OLFM4: variants seen among roughly 807,000 people sequenced by gnomAD.
OLFM4 encodes olfactomedin-4.
OLFM4 carries 22 observed loss-of-function variants against 25.5 expected under a neutral mutation model. That is an observed-to-expected ratio of 0.86 (90% CI 0.62 to 1.23). OLFM4 has a LOEUF of 1.23. Among genes scored for constraint, OLFM4 ranks in the 50% most tolerant of loss-of-function variants. The pLI, the probability that OLFM4 is intolerant of heterozygous loss-of-function variation, is 0.00. For missense variants in OLFM4, 594 were observed against 619.4 expected, an observed-to-expected ratio of 0.96 and a Z score of 0.44; for synonymous variants, 255 against 237.7, an observed-to-expected ratio of 1.07 and a Z score of -0.67.
chr13:53,029,086 A>G lies in OLFM4; in HGVS notation c.204+46A>G, dbSNP rs551599874. ...GAATGAGCTGCATTCATTCCCTTCC[A>G]TTTGCTTTTGGGTACCTGAATACAA... On this transcript the variant is annotated intron_variant, in intron 1 of 4. Transcript: ENST00000219022. The G allele has an allele frequency of 5.6e-6, 9 of 1,606,258 alleles. No individual in the cohort carries two copies. In the East Asian group the frequency reaches 1.6e-4, roughly 28 times the overall value.
intron 2 of OLFM4, among the ~76,000 whole-genome samples, chr13:53,039,119 A>G (rs1954674526): frequency 6.6e-6 from 1 of 152,214 alleles, no homozygotes; most frequent in Non-Finnish European, 1.5e-5. Context: ...TTTATTTAGC[A>G]GAGATGACAG....
Position 53,028,917 on chromosome 13 carries a change from T to A in OLFM4, c.81T>A (p.Pro27=). Residue 27 remains proline (P), a synonymous_variant, in exon 1 of 5, where the codon CCT becomes CCA. Transcript: ENST00000219022. ...QAAGDLGDVG[P]PIPSPGFSSF... ...CAGGGGATTTGGGGGATGTGGGACC[T>A]CCAATTCCCAGCCCCGGCTTCAGCT... 1 of 1,614,210 alleles carries A rather than the reference T, an allele frequency of 6.2e-7. No homozygotes were observed. Among genetic ancestry groups the A allele is most frequent in the African/African-American group, 1.3e-5 (1 of 75,042 alleles).
At chr13:53,043,529 T>C (rs1023094737) in intron 4 of OLFM4, among the ~76,000 whole-genome samples, 2 of 152,126 alleles carry the variant, frequency 1.3e-5, no homozygotes, top group African/African-American at 2.4e-5. Context: ...ACACGTATTC[T>C]CTTTGCATTT....
At chr13:53,038,607 A>C (rs1296855614) in intron 2 of OLFM4, among the ~76,000 whole-genome samples, 2 of 152,242 alleles carry the variant, frequency 1.3e-5, no homozygotes, top group Non-Finnish European at 2.9e-5. Context: ...TCATATATGC[A>C]GTCTGTCATA....
Position 53,050,850 on chromosome 13 carries a change from G to A in OLFM4, c.*79G>A, listed in dbSNP as rs57965203. ...TCCACTTACTTAGATATCTGCAGGG[G>A]TGTCTAAAAGTGTGTTCATTTTGCA... On this transcript the variant is annotated 3_prime_UTR_variant, in exon 5 of 5. Coordinates refer to ENST00000219022, the MANE Select transcript of OLFM4 (RefSeq NM_006418.5). 5,865 of 1,196,322 alleles carry A rather than the reference G, an allele frequency of 4.9e-3. 181 individuals carry two copies. In the African/African-American group the frequency reaches 0.077, roughly 16 times the overall value. 74.1% of individuals were successfully genotyped at this position (1,196,322 alleles called of 1,614,324 possible).
intron 1 of OLFM4, among the ~76,000 whole-genome samples, chr13:53,034,056 C>CAAAA (rs397851637): frequency 9.0e-4 from 37 of 40,982 alleles, no homozygotes; most frequent in African/African-American, 2.0e-3. Flanking sequence ...GACTCCGTCT[C>CAAAA]AAAAAAAAAA....
At chr13:53,039,696 T>C (rs1010777100) in intron 2 of OLFM4, among the ~76,000 whole-genome samples, 2 of 152,166 alleles carry the variant, frequency 1.3e-5, no homozygotes, top group Non-Finnish European at 2.9e-5. Context: ...CTGAAACCAA[T>C]CCACCATGGA....
chr13:53,051,720 C>G lies in OLFM4; in HGVS notation c.*949C>G, dbSNP rs2138245283. On this transcript the variant is annotated 3_prime_UTR_variant, in exon 5 of 5. Coordinates refer to ENST00000219022, the MANE Select transcript of OLFM4 (RefSeq NM_006418.5). The stretch of plus-strand genomic sequence containing the variant: ...ACAAAGTGCTAGCATTTATTGTTAT[C>G]TAATAAAGACCTTGGAGCATATGTG... 1 of 152,272 alleles carries G rather than the reference C, an allele frequency of 6.6e-6. No individual in the cohort carries two copies. Among genetic ancestry groups the G allele is most frequent in the Non-Finnish European group, 1.5e-5 (1 of 68,018 alleles). The allele number at this position is 152,272 out of a possible 1,614,324, so 9.4% of individuals were successfully genotyped here.
chr13:53,033,998 A>C (rs1364765755), intron 1 of OLFM4, among the ~76,000 whole-genome samples: 1 of 144,524 alleles, frequency 6.9e-6, no homozygotes, highest in Non-Finnish European at 1.5e-5. Flanking sequence ...CGGAGCTTGC[A>C]GTGAGCCGAG....
intron 1 of OLFM4, among the ~76,000 whole-genome samples, chr13:53,029,634 T>A (rs1954618311): frequency 6.6e-6 from 1 of 151,914 alleles, no homozygotes; most frequent in South Asian, 2.1e-4. Context: ...AAGGGGGGAG[T>A]TACTGGTCTT....
chr13:53,050,438 C>A lies in OLFM4; in HGVS notation c.1200C>A (p.Ala400=), dbSNP rs765206065. 6.2e-7 allele frequency: 1 copy of A among 1,613,900 alleles called. No individual in the cohort carries two copies. Among genetic ancestry groups the A allele is most frequent in the African/African-American group, 1.3e-5 (1 of 74,884 alleles). Residue 400 remains alanine (A), a synonymous_variant, in exon 5 of 5, where the codon GCC becomes GCA. Transcript: ENST00000219022. ...TGTGGGTTATTTATTCAACTGAAGC[C>A]AGCACTGGTAACATGGTGATTAGTA... The part of the protein sequence containing the change: ...NGLWVIYSTE[A]STGNMVISKL...
At chr13:53,029,734 A>G (rs989374656) in intron 1 of OLFM4, among the ~76,000 whole-genome samples, 29 of 152,204 alleles carry the variant, frequency 1.9e-4, no homozygotes, top group African/African-American at 6.5e-4. Context: ...GACCATTTCC[A>G]GCTCCAAACA....
chr13:53,043,357 G>T, intron 4 of OLFM4, 93 bp downstream of exon 4: 67 of 704,736 alleles, frequency 9.5e-5, no homozygotes, highest in Non-Finnish European at 1.1e-4. Context: ...AATGGTGAAA[G>T]AAGAAGGTGG....
intron 2 of OLFM4, among the ~76,000 whole-genome samples, chr13:53,039,362 G>A (rs1954675726): frequency 6.6e-6 from 1 of 152,184 alleles, no homozygotes; most frequent in Non-Finnish European, 1.5e-5. Flanking sequence ...TATATCTGCA[G>A]TGCACTTCTC....
Position 53,028,845 on chromosome 13 carries a change from C to T in OLFM4, c.9C>T (p.Pro3=), listed in dbSNP as rs138499950. ...CCAGCTAAGAGGACAAGATGAGGCC[C>T]GGCCTCTCATTTCTCCTAGCCCTTC... MR[P]GLSFLLALLF... is the part of the protein sequence containing the mutation. Residue 3 remains proline (P), a synonymous_variant, in exon 1 of 5, where the codon CCC becomes CCT. Coordinates refer to ENST00000219022, the MANE Select transcript of OLFM4 (RefSeq NM_006418.5). 251 of 1,614,176 alleles carry T rather than the reference C, an allele frequency of 1.6e-4. 1 individual carries two copies. The Middle Eastern group carries it at 4.3e-3, about 28-fold the overall frequency.
chr13:53,040,655 G>T (rs1385789856), intron 2 of OLFM4, among the ~76,000 whole-genome samples: 2 of 152,174 alleles, frequency 1.3e-5, no homozygotes, highest in Admixed American at 6.5e-5. Flanking sequence ...GATGCAACTG[G>T]CATGAAGAAG....
chr13:53,042,954 C>A, intron 3 of OLFM4, 151 bp from the exon 4 acceptor site: 1 of 589,854 alleles, frequency 1.7e-6, no homozygotes, highest in African/African-American at 1.9e-5. Context: ...CATGCTAAAC[C>A]ATAAAATGTA....
chr13:53,040,710 A>G (rs1462286394), intron 2 of OLFM4, among the ~76,000 whole-genome samples: 1 of 152,216 alleles, frequency 6.6e-6, no homozygotes, highest in Non-Finnish European at 1.5e-5. Flanking sequence ...CACAACCCCC[A>G]CAAGAAATGA....
intron 1 of OLFM4, among the ~76,000 whole-genome samples, chr13:53,033,942 A>T (rs368358137): frequency 1.1e-3 from 86 of 76,746 alleles, no homozygotes; most frequent in African/African-American, 2.4e-3. Flanking sequence ...CTGTAGTCCC[A>T]GCTACTTGGG....
Sources: gnomAD v4.1 joint callset for allele counts (sites outside exome capture counted in the v4.1 genomes callset) on GRCh38, gnomAD v4.1.1 for gene constraint, MANE v1.5 for transcripts, NCBI Gene and HGNC (gene_info 2026-07-23, HGNC 2026-07-21) for gene names.